Variants in TACC2 observed in about 807,000 individuals in gnomAD.
TACC2 encodes the protein transforming acidic coiled-coil containing protein 2, also known as transforming acidic coiled-coil-containing protein 2.
TACC2 carries 137 observed loss-of-function variants against 227.3 expected under a neutral mutation model. The observed-to-expected ratio is 0.60, with a 90% CI of 0.52 to 0.69. TACC2 has a LOEUF of 0.69. Ranked by LOEUF, TACC2 falls within the 30% of genes least tolerant of loss-of-function variation. TACC2 has a pLI of 0.00. For missense variants in TACC2, 3,470 were observed against 3,694.4 expected (o/e 0.94, Z 1.57); for synonymous variants, 1,523 against 1,487.5 (o/e 1.02, Z -0.55).
chr10:122,182,904 T>C (rs928594083), intron 7 of TACC2, among the ~76,000 whole-genome samples: 1 of 152,106 alleles, frequency 6.6e-6, no homozygotes, highest in Non-Finnish European at 1.5e-5. Context: ...TGTAAACAGC[T>C]TAGGAGCCAG....
intron 5 of TACC2, among the ~76,000 whole-genome samples, chr10:122,108,724 T>G (rs2083234197): frequency 6.6e-6 from 1 of 151,424 alleles, no homozygotes; most frequent in South Asian, 2.1e-4. Context: ...ATTACAGGTG[T>G]GAGCCATCGC....
intron 16 of TACC2, among the ~76,000 whole-genome samples, chr10:122,235,651 C>A (rs2038599): frequency 4.6e-5 from 7 of 152,162 alleles, no homozygotes; most frequent in Non-Finnish European, 8.8e-5. Flanking sequence ...CCATGACAAG[C>A]AGAACTGTGA....
rs1358605823 is a variant in TACC2 at position 122,180,017 on chromosome 10, C to T, written c.5835-15023C>T. Among the ~76,000 whole-genome samples, 2 of 151,920 alleles carry T rather than the reference C, an allele frequency of 1.3e-5. No homozygotes were observed. Among genetic ancestry groups the T allele is most frequent in the Non-Finnish European group, 1.5e-5 (1 of 67,986 alleles). On this transcript the variant is annotated intron_variant, in intron 7 of 22. Transcript: ENST00000369005. The surrounding 1 kb of genome is among the most constrained non-coding windows in gnomAD (Gnocchi z 4.5). ...AGAGGATCGCTTGAGCCCAAGAGGTCGAGGCTGCAGTGAGCCATGATTGCG... is the reference window on the plus strand; with the variant it reads ...AGAGGATCGCTTGAGCCCAAGAGGTTGAGGCTGCAGTGAGCCATGATTGCG...
At position 122,084,444 on chromosome 10, in the gene TACC2, C is replaced by T; in HGVS notation, c.1944C>T (p.His648=). 2 of 1,612,956 alleles carry T rather than the reference C, an allele frequency of 1.2e-6. No individual in the cohort carries two copies. The highest frequency in any genetic ancestry group is 8.5e-7 in the Non-Finnish European group (1 of 1,180,036). ...KGGAGHTDGP[H]SQTAEADASG... ...GTGCTGGGCACACGGACGGGCCCCA[C>T]TCTCAGACAGCAGAGGCTGATGCAT... The change falls in exon 4 of 23, where the codon CAC becomes CAT. Residue 648 remains histidine (H), a synonymous_variant. Coordinates refer to ENST00000369005, the MANE Select transcript of TACC2 (RefSeq NM_206862.4).
chr10:122,217,746 A>T (rs2095440270), intron 11 of TACC2, among the ~76,000 whole-genome samples: 1 of 150,890 alleles, frequency 6.6e-6, no homozygotes, highest in African/African-American at 2.4e-5. Context: ...TTCCTTTTTG[A>T]TAGGAAAACC....
At chr10:122,128,024 A>G in intron 5 of TACC2, among the ~76,000 whole-genome samples, 1 of 152,192 alleles carries the variant, frequency 6.6e-6, no homozygotes, top group Non-Finnish European at 1.5e-5. Flanking sequence ...GTAGCCTGTT[A>G]GAAGCAGAGA....
intron 11 of TACC2, among the ~76,000 whole-genome samples, chr10:122,220,153 A>G (rs2095495981): frequency 1.3e-5 from 2 of 151,014 alleles, no homozygotes; most frequent in Non-Finnish European, 3.0e-5. Context: ...TTTTTTCCTT[A>G]GGAAATATAA....
chr10:122,214,857 C>T (rs949416225), intron 9 of TACC2, among the ~76,000 whole-genome samples: 1 of 152,146 alleles, frequency 6.6e-6, no homozygotes, highest in Non-Finnish European at 1.5e-5. Flanking sequence ...GCCTTCAGAG[C>T]ATGGGAATCC....
chr10:122,029,613 C>T (rs35204232), intron 2 of TACC2, among the ~76,000 whole-genome samples: 11,620 of 152,202 alleles, frequency 0.076, 570 homozygotes, highest in East Asian at 0.15. Context: ...TTTTTAAGCA[C>T]TCTATGGGCC....
In TACC2 at chr10:122,024,344, C is replaced by T. The variant is rs1226573893; in HGVS notation, c.33+2330C>T. The stretch of plus-strand genomic sequence containing the variant: ...TTGCACTACTACATTCCAGCCAGGT[C>T]AACAGAGCAAGACCCTGTCTCATAA... On this transcript the variant is annotated intron_variant, in intron 2 of 22. Coordinates refer to ENST00000369005, the MANE Select transcript of TACC2 (RefSeq NM_206862.4). Among the ~76,000 whole-genome samples the T allele has an allele frequency of 2.0e-5, 3 of 152,242 alleles. No individual in the cohort carries two copies. The East Asian group carries it at 5.8e-4, about 29-fold the overall frequency.
At chr10:122,088,355 A>ATTTTT in intron 4 of TACC2, 123 bp from the exon 5 acceptor site, 1 of 779,356 alleles carries the variant, frequency 1.3e-6, no homozygotes, top group Non-Finnish European at 1.9e-6. Context: ...TTTCCTAGGG[A>ATTTTT]TTTTTTTTTT....
intron 1 of TACC2, 32 bp from the exon 2 acceptor site, chr10:122,021,905 C>T: frequency 7.4e-7 from 1 of 1,359,358 alleles, no homozygotes; most frequent in East Asian, 2.3e-5. Context: ...TTTTTCATTT[C>T]ACAGACGTTT....
intron 5 of TACC2, among the ~76,000 whole-genome samples, chr10:122,119,229 G>A (rs1484375830): frequency 6.6e-6 from 1 of 152,106 alleles, no homozygotes; most frequent in African/African-American, 2.4e-5. Flanking sequence ...TTCAAGTAAT[G>A]CATTTATCTC....
intron 1 of TACC2, among the ~76,000 whole-genome samples, chr10:122,003,164 T>C (rs1407948962): frequency 6.6e-6 from 1 of 152,014 alleles, no homozygotes; most frequent in Non-Finnish European, 1.5e-5. Context: ...GATCACATCA[T>C]TGCACTCCCT....
In TACC2 at chr10:122,227,948, A is replaced by G. The variant is rs1359145924; in HGVS notation, c.7836A>G (p.Lys2612=). 4.3e-6 allele frequency: 7 copies of G among 1,614,114 alleles called. No individual in the cohort carries two copies. In the African/African-American group the frequency reaches 9.3e-5, roughly 22 times the overall value. ...NQESHLQVPE[K]SSQKELEAMG... is the part of the protein sequence containing the mutation. ...AGTCACACTTGCAGGTGCCAGAGAA[A>G]TCCTCCCAGAAGGAGCTGGAGGCCA... Residue 2612 remains lysine, a synonymous_variant, in exon 14 of 23, where the codon AAA becomes AAG. Transcript: ENST00000369005.
Position 122,056,724 on chromosome 10 carries a change from C to A in TACC2, c.146+6174C>A, listed in dbSNP as rs4751866. On this transcript the variant is annotated intron_variant, in intron 3 of 22. Coordinates refer to ENST00000369005, the MANE Select transcript of TACC2 (RefSeq NM_206862.4). Reference sequence around the variant, plus strand: ...GCAGGGGCAGAATTCCTGAACTGGACCTCTCTAGGGCTGAGTAGGAAGTGA... The same window carrying A: ...GCAGGGGCAGAATTCCTGAACTGGAACTCTCTAGGGCTGAGTAGGAAGTGA... Among the ~76,000 whole-genome samples the A allele has an allele frequency of 2.0e-5, 3 of 152,070 alleles. No homozygotes were observed. In the East Asian group the frequency reaches 5.8e-4, roughly 29 times the overall value.
At chr10:122,178,528 C>T (rs1251527972) in intron 7 of TACC2, among the ~76,000 whole-genome samples, 5 of 152,086 alleles carry the variant, frequency 3.3e-5, no homozygotes, top group South Asian at 2.1e-4. Context: ...TGAGCCACCG[C>T]GCCCTGCCAG....
At chr10:122,226,016 C>A (rs2095621120) in intron 12 of TACC2, among the ~76,000 whole-genome samples, 1 of 152,218 alleles carries the variant, frequency 6.6e-6, no homozygotes, top group Non-Finnish European at 1.5e-5. Context: ...CTTGCCCTAC[C>A]TCTCTGTTTA....
intron 1 of TACC2, among the ~76,000 whole-genome samples, chr10:122,006,482 A>ATAAAT (rs1201081674): frequency 4.7e-5 from 7 of 149,472 alleles, no homozygotes; most frequent in Non-Finnish European, 8.9e-5. Flanking sequence ...AAATAAATAA[A>ATAAAT]AAATAGGATG....
Sources: gnomAD v4.1 joint callset for allele counts (sites outside exome capture counted in the v4.1 genomes callset) on GRCh38, gnomAD v4.1.1 for gene constraint, Gnocchi (gnomAD v3.1) non-coding constraint, MANE v1.5 for transcripts, NCBI Gene and HGNC (gene_info 2026-07-23, HGNC 2026-07-21) for gene names.